The following COG5 variants were observed in gnomAD, a reference collection of about 807,000 sequenced individuals.
The protein encoded by COG5 is component of oligomeric golgi complex 5, also known as conserved oligomeric Golgi complex subunit 5.
COG5 carries 86 observed loss-of-function variants against 110.4 expected under a neutral mutation model. That is an observed-to-expected ratio of 0.78 (90% CI 0.65 to 0.93). COG5 has a LOEUF of 0.93. COG5 is among the 40% of genes least tolerant of loss of function. COG5 has a pLI of 0.00. For missense variants in COG5, 1,077 were observed against 987.0 expected (o/e 1.09, Z -1.22); for synonymous variants, 360 against 334.6 (o/e 1.08, Z -0.83).
chr7:107,360,817 T>C (rs1813045447), intron 10 of COG5, among the ~76,000 whole-genome samples: 1 of 152,198 alleles, frequency 6.6e-6, no homozygotes, highest in Non-Finnish European at 1.5e-5. Flanking sequence ...CCCTGGCTCA[T>C]GTTTGTCAGT....
chr7:107,233,298 T>C (rs372040038), intron 18 of COG5, among the ~76,000 whole-genome samples: 158 of 152,252 alleles, frequency 1.0e-3, no homozygotes, highest in African/African-American at 3.6e-3. Flanking sequence ...ACAGGCTTAG[T>C]GATTTCAGAA....
chr7:107,407,325 T>A (rs910981577), intron 7 of COG5, among the ~76,000 whole-genome samples: 2 of 152,182 alleles, frequency 1.3e-5, no homozygotes, highest in Non-Finnish European at 2.9e-5. Flanking sequence ...GAGGTTTCAG[T>A]GAGCCGAGAT....
At chr7:107,277,899 T>G (rs1331286785) in intron 14 of COG5, among the ~76,000 whole-genome samples, 1 of 152,202 alleles carries the variant, frequency 6.6e-6, no homozygotes. Context: ...TAATTTCAGA[T>G]GTATTATTAT....
At chr7:107,242,148 A>C (rs1039332938) in intron 17 of COG5, among the ~76,000 whole-genome samples, 2 of 152,216 alleles carry the variant, frequency 1.3e-5, no homozygotes, top group Admixed American at 1.3e-4. Context: ...AATTAGAAGC[A>C]GCTAGTGTGC....
chr7:107,280,292 T>A (rs1425715114), intron 14 of COG5, among the ~76,000 whole-genome samples: 2 of 152,062 alleles, frequency 1.3e-5, no homozygotes, highest in East Asian at 3.9e-4. Context: ...ATCAATTGAA[T>A]GAAAATAGTA....
chr7:107,373,597 A>G (rs78203891), intron 7 of COG5, among the ~76,000 whole-genome samples: 2,835 of 152,094 alleles, frequency 0.019, 87 homozygotes, highest in African/African-American at 0.063. Context: ...CAAGAAGGCC[A>G]TGATGGAGCA....
rs962854808 is a variant in COG5 at position 107,475,572 on chromosome 7, CAT to C, written c.538+51663_538+51664del. ...GCATGGCAGTTTGTTAAAGTACTAT[CAT>C]GTGTATATTTTGTCAATATTATGTC... On this transcript the variant is annotated intron_variant, in intron 6 of 21. Transcript: ENST00000297135. The C allele has an allele frequency of 1.1e-4, 45 of 426,816 alleles. No individual in the cohort carries two copies. The Admixed American group carries it at 1.3e-3, about 13-fold the overall frequency. The allele number at this position is 426,816 out of a possible 1,614,324, so 26.4% of individuals were successfully genotyped here.
At chr7:107,372,548 C>T (rs1390043804) in intron 8 of COG5, 47 bp downstream of exon 8, 3 of 1,583,518 alleles carry the variant, frequency 1.9e-6, no homozygotes, top group African/African-American at 1.3e-5. Flanking sequence ...CAAAAGACTT[C>T]TCAGTTATAA....
chr7:107,210,519 G>A lies in COG5; in HGVS notation c.2375+7C>T. 6.3e-7 allele frequency: 1 copy of A among 1,591,708 alleles called. No individual in the cohort carries two copies. The highest frequency in any genetic ancestry group is 1.1e-5 in the South Asian group (1 of 87,198). ...CAGATGGGTGCCCCCAGAGCACCTGGCTTTACCTGATGAGGAGGAGCCTGT... is the reference window on the plus strand; with the variant it reads ...CAGATGGGTGCCCCCAGAGCACCTGACTTTACCTGATGAGGAGGAGCCTGT... On this transcript the variant is annotated splice_region_variant and intron_variant, in intron 21 of 21. Coordinates refer to ENST00000297135, the MANE Select transcript of COG5 (RefSeq NM_006348.5).
chr7:107,535,361 A>C (rs1176863325), intron 5 of COG5, among the ~76,000 whole-genome samples: 1 of 151,664 alleles, frequency 6.6e-6, no homozygotes, highest in Non-Finnish European at 1.5e-5. Flanking sequence ...CTTCAAAAAA[A>C]ATCAATGAAT....
intron 6 of COG5, among the ~76,000 whole-genome samples, chr7:107,519,268 A>C (rs1406447105): frequency 6.6e-6 from 1 of 152,182 alleles, no homozygotes; most frequent in East Asian, 1.9e-4. Flanking sequence ...AACAAACCCA[A>C]AAGCTAGCAG....
chr7:107,332,194 T>C (rs564511496), intron 10 of COG5, among the ~76,000 whole-genome samples: 57 of 152,214 alleles, frequency 3.7e-4, no homozygotes, highest in African/African-American at 1.3e-3. Context: ...TAGATTTAAG[T>C]GTTATCAGCA....
intron 6 of COG5, among the ~76,000 whole-genome samples, chr7:107,491,894 G>C (rs935036579): frequency 2.0e-5 from 3 of 152,102 alleles, no homozygotes; most frequent in Admixed American, 1.3e-4. Flanking sequence ...AGCCAGATCT[G>C]TGATAATATC....
intron 15 of COG5, 60 bp downstream of exon 15, chr7:107,258,213 C>T: frequency 1.0e-6 from 1 of 986,962 alleles, no homozygotes; most frequent in Non-Finnish European, 1.6e-6. Flanking sequence ...TGTAAACTGT[C>T]CAAATTTGAG....
At chr7:107,525,147 C>T (rs886898501) in intron 6 of COG5, among the ~76,000 whole-genome samples, 5 of 151,820 alleles carry the variant, frequency 3.3e-5, no homozygotes, top group Non-Finnish European at 7.4e-5. Flanking sequence ...AGGATGGTCT[C>T]GATCTCTTGA....
At chr7:107,446,027 CAG>C (rs1250440040) in intron 6 of COG5, among the ~76,000 whole-genome samples, 4 of 152,174 alleles carry the variant, frequency 2.6e-5, no homozygotes, top group African/African-American at 9.7e-5. Context: ...CACCACTCAG[CAG>C]CTCTAGGAAC....
At chr7:107,215,054 T>C (rs1799426627) in intron 19 of COG5, among the ~76,000 whole-genome samples, 1 of 152,120 alleles carries the variant, frequency 6.6e-6, no homozygotes, top group South Asian at 2.1e-4. Flanking sequence ...AGTTGTTGTA[T>C]GTTATCAAAA....
chr7:107,212,918 G>A (rs1382017839), intron 19 of COG5, among the ~76,000 whole-genome samples: 2 of 152,180 alleles, frequency 1.3e-5, no homozygotes, highest in Admixed American at 1.3e-4. Context: ...TTCTACAGAG[G>A]AAAAGAGAAC....
intron 3 of COG5, among the ~76,000 whole-genome samples, chr7:107,553,229 C>T (rs1004789549): frequency 1.3e-5 from 2 of 152,032 alleles, no homozygotes; most frequent in African/African-American, 2.4e-5. Flanking sequence ...TATACCCCCC[C>T]GGATCTAAAA....
Sources: gnomAD v4.1 joint callset for allele counts (sites outside exome capture counted in the v4.1 genomes callset) on GRCh38, gnomAD v4.1.1 for gene constraint, MANE v1.5 for transcripts, NCBI Gene and HGNC (gene_info 2026-07-23, HGNC 2026-07-21) for gene names.